The following EPHA5 variants were observed in gnomAD, a reference collection of about 807,000 sequenced individuals.
EPHA5 encodes the protein EPH receptor A5.
Under a neutral mutation model 105.0 loss-of-function variants are expected in EPHA5, and 60 were observed. The observed-to-expected ratio is 0.57, with a 90% CI of 0.46 to 0.71. The LOEUF (loss-of-function observed/expected upper bound fraction) is 0.71, where lower values mean the gene tolerates loss of function less well. EPHA5 is among the 30% of genes least tolerant of loss of function. EPHA5 has a pLI of 0.00. For synonymous variants in EPHA5, 513 were observed against 449.1 expected, an observed-to-expected ratio of 1.14 and a Z score of -1.80; for missense variants, 1,218 against 1,274.7, an observed-to-expected ratio of 0.96 and a Z score of 0.68.
intron 5 of EPHA5, among the ~76,000 whole-genome samples, chr4:65,467,927 AG>A (rs1258462223): frequency 6.6e-6 from 1 of 152,202 alleles, no homozygotes; most frequent in Non-Finnish European, 1.5e-5. Context: ...GTGGAAGAAG[AG>A]GACCAGCAGC....
At chr4:65,570,201 A>C (rs1376079271) in intron 3 of EPHA5, among the ~76,000 whole-genome samples, 1 of 151,802 alleles carries the variant, frequency 6.6e-6, no homozygotes, top group Admixed American at 6.6e-5. Context: ...AACTACACTC[A>C]CTCTTAATTC....
chr4:65,498,586 A>C (rs1732173166), intron 3 of EPHA5, among the ~76,000 whole-genome samples: 2 of 151,862 alleles, frequency 1.3e-5, no homozygotes, highest in South Asian at 4.1e-4. Context: ...GGAATTCAAG[A>C]AATGAGAATG....
chr4:65,465,524 A>G (rs1211187810), intron 5 of EPHA5, among the ~76,000 whole-genome samples: 1 of 89,084 alleles, frequency 1.1e-5, no homozygotes, highest in East Asian at 2.8e-4. Flanking sequence ...AGAAAGAAAG[A>G]AAGAAAAGAA....
intron 16 of EPHA5, among the ~76,000 whole-genome samples, chr4:65,327,619 T>C (rs1720210801): frequency 6.6e-6 from 1 of 151,278 alleles, no homozygotes. Context: ...GCAACGTACA[T>C]GTACCTTTAT....
At chr4:65,388,500 G>A (rs2148949041) in intron 8 of EPHA5, among the ~76,000 whole-genome samples, 1 of 151,052 alleles carries the variant, frequency 6.6e-6, no homozygotes, top group Non-Finnish European at 1.5e-5. Flanking sequence ...ACTTTTTAAT[G>A]ATTGCCATTC....
chr4:65,516,281 C>G (rs1455331723), intron 3 of EPHA5, among the ~76,000 whole-genome samples: 2 of 152,008 alleles, frequency 1.3e-5, no homozygotes, highest in Admixed American at 6.6e-5. Context: ...ATTATATACT[C>G]GATTCTTACA....
At chr4:65,508,423 C>T (rs894875240) in intron 3 of EPHA5, among the ~76,000 whole-genome samples, 3 of 152,062 alleles carry the variant, frequency 2.0e-5, no homozygotes, top group African/African-American at 7.2e-5. Context: ...GCCTTGATTG[C>T]TAAGATAGAA....
At chr4:65,514,501 G>T (rs999863778) in intron 3 of EPHA5, among the ~76,000 whole-genome samples, 1 of 152,146 alleles carries the variant, frequency 6.6e-6, no homozygotes, top group Non-Finnish European at 1.5e-5. Flanking sequence ...CAATTAGAAT[G>T]AACCTACAGA....
At chr4:65,394,567 C>G (rs1196699006) in intron 8 of EPHA5, among the ~76,000 whole-genome samples, 1 of 151,976 alleles carries the variant, frequency 6.6e-6, no homozygotes, top group Non-Finnish European at 1.5e-5. Context: ...TTAGTATGCT[C>G]AATTGAGAGA....
chr4:65,417,732 A>G (rs1723527147), intron 6 of EPHA5, among the ~76,000 whole-genome samples: 1 of 152,132 alleles, frequency 6.6e-6, no homozygotes, highest in Non-Finnish European at 1.5e-5. Context: ...CTCAAAAAAA[A>G]TTAAACTATA....
chr4:65,491,848 A>G (rs1731431978), intron 4 of EPHA5, among the ~76,000 whole-genome samples: 3 of 152,104 alleles, frequency 2.0e-5, no homozygotes. Flanking sequence ...ACAAAAATTA[A>G]TTAGGTAATT....
intron 1 of EPHA5, among the ~76,000 whole-genome samples, chr4:65,660,902 T>A (rs1452483291): frequency 6.6e-6 from 1 of 152,142 alleles, no homozygotes; most frequent in Non-Finnish European, 1.5e-5. Context: ...TGGAATTCCC[T>A]CACATAACAT....
At chr4:65,381,578 C>A (rs1719567852) in intron 8 of EPHA5, among the ~76,000 whole-genome samples, 1 of 151,722 alleles carries the variant, frequency 6.6e-6, no homozygotes, top group South Asian at 2.1e-4. Context: ...AACCAAATAA[C>A]ACTGAATAAA....
intron 3 of EPHA5, among the ~76,000 whole-genome samples, chr4:65,563,960 C>T (rs1039046805): frequency 1.3e-5 from 2 of 151,814 alleles, no homozygotes; most frequent in African/African-American, 4.8e-5. Context: ...AGAAATTTTC[C>T]TCTCAAACTA....
At chr4:65,502,103 A>C (rs1260204897) in intron 3 of EPHA5, among the ~76,000 whole-genome samples, 1 of 151,882 alleles carries the variant, frequency 6.6e-6, no homozygotes, top group African/African-American at 2.4e-5. Context: ...AAATTAATTC[A>C]AGATGAACTA....
At chr4:65,580,662 T>C (rs1195393708) in intron 3 of EPHA5, among the ~76,000 whole-genome samples, 2 of 151,826 alleles carry the variant, frequency 1.3e-5, no homozygotes, top group Non-Finnish European at 2.9e-5. Context: ...TGACTAAAAT[T>C]AGGACTTAAA....
chr4:65,408,147 C>T (rs1403685145), intron 7 of EPHA5, among the ~76,000 whole-genome samples: 2 of 152,016 alleles, frequency 1.3e-5, no homozygotes, highest in African/African-American at 4.8e-5. Flanking sequence ...TTAATGATAT[C>T]ATTAATTATA....
At position 65,348,812 on chromosome 4, in the gene EPHA5, TA is replaced by T. The variant is rs1310351505; in HGVS notation, c.2446-610del. ...GTGTGTGTATATATATATATATATA[TA>T]TATTTTTTTTTTTTTTTTTTGAGAC... On this transcript the variant is annotated intron_variant, in intron 13 of 16. Transcript: ENST00000613740. Among the ~76,000 whole-genome samples the T allele has an allele frequency of 5.1e-3, 362 of 70,376 alleles. 43 individuals are homozygous for T. The highest frequency in any genetic ancestry group is 0.021 in the African/African-American group (305 of 14,500). 46.2% of individuals were successfully genotyped at this position (70,376 alleles called of 152,430 possible). A position where few individuals can be genotyped will look rare whatever the true frequency, so the allele number is the denominator to read the frequency against.
chr4:65,356,152 T>G (rs1354882021), intron 11 of EPHA5, among the ~76,000 whole-genome samples: 3 of 151,570 alleles, frequency 2.0e-5, no homozygotes, highest in African/African-American at 4.8e-5. Context: ...CTTTACCCCA[T>G]GTCCTTTATG....
Sources: allele counts gnomAD v4.1 joint callset (sites outside exome capture counted in the v4.1 genomes callset), GRCh38; gene constraint gnomAD v4.1.1; transcripts MANE v1.5; gene names NCBI Gene and HGNC (gene_info 2026-07-23, HGNC 2026-07-21).